The following CACNB2 variants were observed in gnomAD, a reference collection of about 807,000 sequenced individuals.
The protein encoded by CACNB2 is voltage-dependent L-type calcium channel subunit beta-2.
A neutral mutation model predicts 73.3 loss-of-function variants in CACNB2; 42 were observed. The ratio of observed to expected loss-of-function variants is 0.57; its 90% CI spans 0.45 to 0.74. The LOEUF (loss-of-function observed/expected upper bound fraction) is 0.74, where lower values mean the gene tolerates loss of function less well. Among genes scored for constraint, CACNB2 ranks in the 30% least tolerant of loss-of-function variants. CACNB2 has a pLI of 0.00. For synonymous variants in CACNB2, 348 were observed against 310.3 expected (o/e 1.12, Z -1.28); for missense variants, 940 against 853.0 (o/e 1.10, Z -1.27).
chr10:18,337,191 G>A (rs974888219), intron 2 of CACNB2, among the ~76,000 whole-genome samples: 6 of 151,856 alleles, frequency 4.0e-5, no homozygotes, highest in Non-Finnish European at 5.9e-5. Context: ...GTGTAGTAGC[G>A]TAATCTTGGC....
intron 2 of CACNB2, among the ~76,000 whole-genome samples, chr10:18,357,164 C>G (rs1396465494): frequency 6.7e-6 from 1 of 149,206 alleles, no homozygotes; most frequent in Non-Finnish European, 1.5e-5. Flanking sequence ...AGGATGGTCT[C>G]GATCTCCTGA....
chr10:18,241,051 C>T (rs2131503433), intron 2 of CACNB2, among the ~76,000 whole-genome samples: 1 of 152,296 alleles, frequency 6.6e-6, no homozygotes, highest in South Asian at 2.1e-4. Flanking sequence ...CTGATTGCCT[C>T]CTTTGGAAAG....
At chr10:18,142,239 G>A (rs541039062) in intron 1 of CACNB2, among the ~76,000 whole-genome samples, 17 of 152,330 alleles carry the variant, frequency 1.1e-4, no homozygotes, top group African/African-American at 3.8e-4. Flanking sequence ...AGAAGGGGAA[G>A]AATGTGGACA....
chr10:18,423,486 A>G (rs2132741903), intron 3 of CACNB2, among the ~76,000 whole-genome samples: 1 of 152,302 alleles, frequency 6.6e-6, no homozygotes, highest in South Asian at 2.1e-4. Context: ...TCCTGCCATA[A>G]GCAACGGTCC....
At chr10:18,289,384 TC>T (rs2038963674) in intron 2 of CACNB2, among the ~76,000 whole-genome samples, 1 of 144,556 alleles carries the variant, frequency 6.9e-6, no homozygotes, top group East Asian at 2.2e-4. Context: ...AAGCTCCGCC[TC>T]CCGGGTTCAT....
chr10:18,146,644 A>T (rs973294802), intron 1 of CACNB2, among the ~76,000 whole-genome samples: 2 of 151,866 alleles, frequency 1.3e-5, no homozygotes, highest in Non-Finnish European at 2.9e-5. Flanking sequence ...CGCCTGGCGA[A>T]TTTTTTTGTA....
intron 2 of CACNB2, among the ~76,000 whole-genome samples, chr10:18,225,247 G>A (rs1387721813): frequency 1.3e-5 from 2 of 152,048 alleles, no homozygotes; most frequent in African/African-American, 4.8e-5. Flanking sequence ...AGAGGATGGG[G>A]GATGGGGGAG....
chr10:18,243,001 C>G (rs1335364466), intron 2 of CACNB2, among the ~76,000 whole-genome samples: 3 of 96,876 alleles, frequency 3.1e-5, no homozygotes, highest in Non-Finnish European at 6.0e-5. Flanking sequence ...CAGAGCAAGA[C>G]TGTCTCAAAA....
chr10:18,333,208 G>A (rs186154350), intron 2 of CACNB2, among the ~76,000 whole-genome samples: 5 of 152,122 alleles, frequency 3.3e-5, no homozygotes, highest in Non-Finnish European at 4.4e-5. Context: ...TGAATTCAAC[G>A]CGCTTTCTCA....
At chr10:18,367,758 G>A (rs2042415642) in intron 2 of CACNB2, among the ~76,000 whole-genome samples, 1 of 152,092 alleles carries the variant, frequency 6.6e-6, no homozygotes, top group South Asian at 2.1e-4. Flanking sequence ...TTAAGAGTTA[G>A]GGATACATTT....
At position 18,518,786 on chromosome 10, in the gene CACNB2, T is replaced by C. The variant is rs111736999; in HGVS notation, c.886-124T>C. 3.5e-5 allele frequency: 30 copies of C among 852,562 alleles called. 1 individual carries two copies. Among genetic ancestry groups the C allele is most frequent in the African/African-American group, 1.5e-4 (9 of 59,532 alleles). 52.8% of individuals were successfully genotyped at this position (852,562 alleles called of 1,614,324 possible). ...GAAGCAGAAAAATGCGGCAACCTCA[T>C]ATTGCCACTCTTTCCAGATGCAAAG... On this transcript the variant is annotated intron_variant, in intron 8 of 13. Coordinates refer to ENST00000324631, the MANE Select transcript of CACNB2 (RefSeq NM_201596.3).
chr10:18,400,550 T>C (rs896088848), intron 2 of CACNB2: 1 of 1,022,214 alleles, frequency 9.8e-7, no homozygotes, highest in East Asian at 9.4e-5. Context: ...TGCGTCCTCC[T>C]CCCTCCGCCT....
chr10:18,485,872 C>T (rs954943381), intron 3 of CACNB2, among the ~76,000 whole-genome samples: 10 of 151,672 alleles, frequency 6.6e-5, no homozygotes, highest in African/African-American at 2.4e-4. Context: ...TGTGAGCCAC[C>T]GTGCCCAGCC....
At chr10:18,321,976 G>C (rs1266005882) in intron 2 of CACNB2, among the ~76,000 whole-genome samples, 1 of 152,004 alleles carries the variant, frequency 6.6e-6, no homozygotes, top group Non-Finnish European at 1.5e-5. Context: ...AACATAGCAA[G>C]ACTCTGTCTC....
At chr10:18,389,573 C>A (rs983903965) in intron 2 of CACNB2, among the ~76,000 whole-genome samples, 1 of 152,154 alleles carries the variant, frequency 6.6e-6, no homozygotes, top group African/African-American at 2.4e-5. Context: ...GTCTTTGTAA[C>A]TATTTTCAAG....
intron 2 of CACNB2, among the ~76,000 whole-genome samples, chr10:18,191,061 A>G (rs1332470108): frequency 6.6e-6 from 1 of 152,232 alleles, no homozygotes; most frequent in Admixed American, 6.5e-5. Flanking sequence ...GTGCGGGACA[A>G]TGATGACGTC....
chr10:18,385,152 G>A (rs1013564535), intron 2 of CACNB2, among the ~76,000 whole-genome samples: 3 of 152,024 alleles, frequency 2.0e-5, no homozygotes, highest in Non-Finnish European at 4.4e-5. Context: ...GCATGGTGAC[G>A]GACACATGTA....
intron 3 of CACNB2, among the ~76,000 whole-genome samples, chr10:18,412,105 C>T (rs1354195274): frequency 6.6e-6 from 1 of 152,168 alleles, no homozygotes; most frequent in African/African-American, 2.4e-5. Flanking sequence ...TGTTTATCCT[C>T]CAACAGGCTG....
chr10:18,424,623 C>T (rs185356606), intron 3 of CACNB2, among the ~76,000 whole-genome samples: 3 of 152,280 alleles, frequency 2.0e-5, no homozygotes, highest in Non-Finnish European at 4.4e-5. Context: ...TGGTGTTTCC[C>T]ACTCCCTTCC....
Sources: gnomAD v4.1 joint callset for allele counts (sites outside exome capture counted in the v4.1 genomes callset) on GRCh38, gnomAD v4.1.1 for gene constraint, MANE v1.5 for transcripts, NCBI Gene and HGNC (gene_info 2026-07-23, HGNC 2026-07-21) for gene names.